Variants in CCSER1 observed in about 807,000 individuals in gnomAD.
The protein encoded by CCSER1 is coiled-coil serine rich protein 1.
CCSER1 carries 41 observed loss-of-function variants against 82.0 expected under a neutral mutation model. The ratio of observed to expected loss-of-function variants is 0.50; its 90% CI spans 0.39 to 0.65. The LOEUF (loss-of-function observed/expected upper bound fraction) is 0.65, where lower values mean the gene tolerates loss of function less well. Among genes scored for constraint, CCSER1 ranks in the 30% least tolerant of loss-of-function variants. CCSER1 has a pLI of 0.00. For synonymous variants in CCSER1, 414 were observed against 383.9 expected (o/e 1.08, Z -0.92); for missense variants, 1,119 against 1,064.2 (o/e 1.05, Z -0.72).
At chr4:91,167,761 T>C (rs1294802002) in intron 10 of CCSER1, among the ~76,000 whole-genome samples, 2 of 152,226 alleles carry the variant, frequency 1.3e-5, no homozygotes, top group African/African-American at 4.8e-5. Flanking sequence ...GGAGCCTAGG[T>C]TAAAATTTGA....
intron 7 of CCSER1, among the ~76,000 whole-genome samples, chr4:90,803,758 C>T (rs1464812132): frequency 6.6e-6 from 1 of 152,118 alleles, no homozygotes; most frequent in Non-Finnish European, 1.5e-5. Context: ...AATGGTATTT[C>T]TAGTCCTAGA....
chr4:91,209,518 T>C (rs1437549819), intron 10 of CCSER1, among the ~76,000 whole-genome samples: 1 of 152,006 alleles, frequency 6.6e-6, no homozygotes, highest in Non-Finnish European at 1.5e-5. Flanking sequence ...TCACATTTAT[T>C]GATTTGCATA....
At chr4:91,483,685 C>G (rs964862490) in intron 10 of CCSER1, among the ~76,000 whole-genome samples, 4 of 152,166 alleles carry the variant, frequency 2.6e-5, no homozygotes, top group Admixed American at 1.3e-4. Context: ...ACCCACCCGC[C>G]TCGGCCTCCC....
chr4:91,275,504 C>A (rs934694644), intron 10 of CCSER1, among the ~76,000 whole-genome samples: 2 of 152,034 alleles, frequency 1.3e-5, no homozygotes, highest in African/African-American at 4.8e-5. Context: ...ATTTGTCCAA[C>A]TTTTAGTGGG....
chr4:90,822,727 CAAA>C (rs58985334), intron 8 of CCSER1, among the ~76,000 whole-genome samples: 21 of 76,818 alleles, frequency 2.7e-4, no homozygotes, highest in African/African-American at 8.6e-4. Flanking sequence ...GACTCCATCT[CAAA>C]AAAAAAAAAA....
At chr4:91,131,214 A>G (rs768269647) in intron 10 of CCSER1, among the ~76,000 whole-genome samples, 14 of 152,088 alleles carry the variant, frequency 9.2e-5, no homozygotes, top group Non-Finnish European at 1.6e-4. Context: ...TGAAAATGTC[A>G]TTCATAGATG....
chr4:90,170,772 G>A (rs1339249430), intron 1 of CCSER1, among the ~76,000 whole-genome samples: 2 of 151,586 alleles, frequency 1.3e-5, no homozygotes, highest in Non-Finnish European at 2.9e-5. Context: ...ATCTTTTGAT[G>A]GACATTTAGT....
chr4:91,385,704 G>T (rs774374285), intron 10 of CCSER1, among the ~76,000 whole-genome samples: 2 of 151,700 alleles, frequency 1.3e-5, no homozygotes, highest in Admixed American at 1.3e-4. Context: ...TTGTTGCCAC[G>T]GGGTAAGGGA....
intron 1 of CCSER1, among the ~76,000 whole-genome samples, chr4:90,152,319 T>G (rs1727016442): frequency 6.6e-6 from 1 of 152,104 alleles, no homozygotes; most frequent in Admixed American, 6.6e-5. Flanking sequence ...GAGAGCTACC[T>G]TGATTGGTGT....
intron 10 of CCSER1, among the ~76,000 whole-genome samples, chr4:91,559,773 TTTA>T (rs990538793): frequency 7.4e-6 from 1 of 135,228 alleles, no homozygotes; most frequent in African/African-American, 2.8e-5. Flanking sequence ...AAAAATTATA[TTTA>T]TTTTTTCTAA....
intron 7 of CCSER1, among the ~76,000 whole-genome samples, chr4:90,796,431 A>C (rs1434867459): frequency 1.3e-5 from 2 of 151,366 alleles, no homozygotes; most frequent in Middle Eastern, 3.4e-3. Context: ...AAAAAAAAAA[A>C]AAAACAGCTC....
intron 1 of CCSER1, among the ~76,000 whole-genome samples, chr4:90,225,301 C>T (rs1396879818): frequency 1.4e-5 from 2 of 147,746 alleles, no homozygotes; most frequent in Non-Finnish European, 3.0e-5. Flanking sequence ...GTCTCAGACT[C>T]CTGGGTTCAA....
chr4:90,805,712 A>T (rs1048809597), intron 7 of CCSER1, among the ~76,000 whole-genome samples: 1 of 152,234 alleles, frequency 6.6e-6, no homozygotes, highest in Admixed American at 6.5e-5. Flanking sequence ...TTCAAAAATT[A>T]ATTACACTTG....
At chr4:90,230,641 T>C in intron 1 of CCSER1, among the ~76,000 whole-genome samples, 2 of 147,098 alleles carry the variant, frequency 1.4e-5, no homozygotes, top group Non-Finnish European at 3.0e-5. Flanking sequence ...CTGAAGGAAA[T>C]AGAGACACAA....
chr4:90,459,389 G>A (rs1762595884), intron 4 of CCSER1, among the ~76,000 whole-genome samples: 1 of 152,110 alleles, frequency 6.6e-6, no homozygotes, highest in Non-Finnish European at 1.5e-5. Context: ...ATTAGTAAAA[G>A]TAATTCTGTC....
intron 10 of CCSER1, among the ~76,000 whole-genome samples, chr4:91,426,948 AT>A (rs1406949249): frequency 6.6e-6 from 1 of 152,158 alleles, no homozygotes; most frequent in Non-Finnish European, 1.5e-5. Context: ...CTATAAGTAG[AT>A]GCTGTTACCA....
intron 1 of CCSER1, among the ~76,000 whole-genome samples, chr4:90,228,854 T>A (rs1005897279): frequency 6.6e-6 from 1 of 152,048 alleles, no homozygotes; most frequent in Non-Finnish European, 1.5e-5. Context: ...TGCGATCAAC[T>A]GGAAGAAAGG....
chr4:90,950,633 A>G (rs11097282), intron 9 of CCSER1, among the ~76,000 whole-genome samples: 100,039 of 152,032 alleles, frequency 0.66, 33,241 homozygotes, highest in Non-Finnish European at 0.7. Context: ...TTGTGTAACT[A>G]TAGAGCCAAG....
At chr4:90,794,751 C>T (rs1755760203) in intron 7 of CCSER1, among the ~76,000 whole-genome samples, 1 of 152,126 alleles carries the variant, frequency 6.6e-6, no homozygotes, top group Non-Finnish European at 1.5e-5. Flanking sequence ...CAGTAAATTG[C>T]TTTGGGCACT....
Sources: allele counts gnomAD v4.1 joint callset (sites outside exome capture counted in the v4.1 genomes callset), GRCh38; gene constraint gnomAD v4.1.1; transcripts MANE v1.5; gene names NCBI Gene and HGNC (gene_info 2026-07-23, HGNC 2026-07-21).